Variants in CLEC17A observed in about 807,000 individuals in gnomAD.
The protein encoded by CLEC17A is C-type lectin domain family 17, member A.
Under a neutral mutation model 61.3 loss-of-function variants are expected in CLEC17A, and 37 were observed. The ratio of observed to expected loss-of-function variants is 0.60; its 90% CI spans 0.46 to 0.79. The LOEUF is 0.79. Ranked by LOEUF, CLEC17A falls within the 30% of genes least tolerant of loss-of-function variation. CLEC17A has a pLI of 0.00. For synonymous variants in CLEC17A, 168 were observed against 164.9 expected, an observed-to-expected ratio of 1.02 and a Z score of -0.14; for missense variants, 418 against 464.7, an observed-to-expected ratio of 0.90 and a Z score of 0.92.
chr19:14,599,905 A>C, intron 11 of CLEC17A, 93 bp downstream of exon 11: 3 of 1,481,370 alleles, frequency 2.0e-6, no homozygotes, highest in Non-Finnish European at 2.8e-6. Context: ...AGTGCAGTCT[A>C]TGTGAATGGT....
At chr19:14,582,338 G>A (rs1303736511), upstream of CLEC17A, among the ~76,000 whole-genome samples, 8 of 151,252 alleles carry the variant, frequency 5.3e-5, no homozygotes, top group Admixed American at 1.3e-4. Flanking sequence ...TCAGCCTCCC[G>A]AGTAGCTGGG....
At chr19:14,585,014 C>T (rs1243729718) in intron 2 of CLEC17A, among the ~76,000 whole-genome samples, 6 of 151,756 alleles carry the variant, frequency 4.0e-5, no homozygotes, top group Non-Finnish European at 7.4e-5. Flanking sequence ...CCCACCTCAT[C>T]TTCATCCCCA....
chr19:14,586,599 AT>A (rs34892433), intron 2 of CLEC17A, among the ~76,000 whole-genome samples: 4 of 149,462 alleles, frequency 2.7e-5, no homozygotes, highest in Non-Finnish European at 5.9e-5. Context: ...TTTTTTCTAA[AT>A]TTTTTTTACA....
intron 1 of CLEC17A, 42 bp downstream of exon 1, chr19:14,583,245 C>G (rs373288405): frequency 4.0e-5 from 65 of 1,613,426 alleles, no homozygotes; most frequent in Non-Finnish European, 7.6e-6. Flanking sequence ...TAGGTGTGGT[C>G]AGGACCCAGG....
intron 12 of CLEC17A, among the ~76,000 whole-genome samples, chr19:14,603,021 C>T (rs2074762827): frequency 6.6e-6 from 1 of 152,226 alleles, no homozygotes; most frequent in African/African-American, 2.4e-5. Context: ...AGGCATAAGC[C>T]ACCGTGGCTG....
At position 14,592,808 on chromosome 19, in the gene CLEC17A, G is replaced by T. The variant is rs141877621; in HGVS notation, c.277+450G>T. The stretch of plus-strand genomic sequence containing the variant: ...GCCTCCCGATTAGCTGGGATTGCAG[G>T]CGCCTGCTACCATGCCTGGTTAACT... On this transcript the variant is annotated intron_variant, in intron 4 of 13. Transcript: ENST00000417570. Among the ~76,000 whole-genome samples the T allele has an allele frequency of 2.4e-4, 36 of 152,194 alleles. 1 individual carries two copies. In the East Asian group the frequency reaches 6.8e-3, roughly 29 times the overall value.
chr19:14,597,055 G>C (rs1434266700), intron 9 of CLEC17A, 42 bp downstream of exon 9: 1 of 1,611,554 alleles, frequency 6.2e-7, no homozygotes, highest in South Asian at 1.1e-5. Context: ...GATTGGGGAG[G>C]GTGCACAGGA....
chr19:14,607,227 CAG>C (rs909564072), intron 13 of CLEC17A, 125 bp downstream of exon 13: 2 of 321,228 alleles, frequency 6.2e-6, no homozygotes, highest in African/African-American at 4.6e-5. Context: ...TTTTTTGAGA[CAG>C]AGTCTTGCTC....
At chr19:14,586,344 G>C (rs1382094793) in intron 2 of CLEC17A, among the ~76,000 whole-genome samples, 1 of 152,034 alleles carries the variant, frequency 6.6e-6, no homozygotes. Context: ...GGCTGGTCTC[G>C]AACTCCCGAC....
At chr19:14,604,565 C>T (rs2074806989) in intron 12 of CLEC17A, among the ~76,000 whole-genome samples, 1 of 152,014 alleles carries the variant, frequency 6.6e-6, no homozygotes, top group African/African-American at 2.4e-5. Flanking sequence ...GAGTTTGAGA[C>T]CAGCCTGGCC....
chr19:14,596,828 C>T, intron 8 of CLEC17A, 48 bp from the exon 9 acceptor site: 4 of 1,593,074 alleles, frequency 2.5e-6, no homozygotes, highest in Non-Finnish European at 3.4e-6. Context: ...CTTCCTTACT[C>T]TCTGAAGCCC....
chr19:14,589,982 A>G (rs2074371931), intron 3 of CLEC17A, among the ~76,000 whole-genome samples: 1 of 138,408 alleles, frequency 7.2e-6, no homozygotes, highest in Non-Finnish European at 1.5e-5. Context: ...GCCCCAGTCA[A>G]GCCTGCAGAT....
intron 2 of CLEC17A, among the ~76,000 whole-genome samples, chr19:14,587,233 A>ATGTGTGTGTGTGTGTGTG (rs3049160): frequency 6.9e-6 from 1 of 145,302 alleles, no homozygotes; most frequent in Non-Finnish European, 1.5e-5. Context: ...CCAGAGAAAG[A>ATGTGTGTGTGTGTGTGTG]TGTGTGTGTG....
At position 14,599,710 on chromosome 19, in the gene CLEC17A, C is replaced by A; in HGVS notation, c.647-7C>A. On this transcript the variant is annotated splice_polypyrimidine_tract_variant and splice_region_variant and intron_variant, in intron 10 of 13. Transcript: ENST00000417570. ...TCTGTAGCCCTCAAGCCCATCCCTTCTGACAGTGACTGGCATGGCAGGGCT... is the reference window on the plus strand; with the variant it reads ...TCTGTAGCCCTCAAGCCCATCCCTTATGACAGTGACTGGCATGGCAGGGCT... The A allele has an allele frequency of 6.2e-7, 1 of 1,611,224 alleles. No individual in the cohort carries two copies. Among genetic ancestry groups the A allele is most frequent in the Non-Finnish European group, 8.5e-7 (1 of 1,177,558 alleles).
chr19:14,588,164 T>C (rs1266847325), intron 3 of CLEC17A, among the ~76,000 whole-genome samples: 1 of 151,592 alleles, frequency 6.6e-6, no homozygotes, highest in Non-Finnish European at 1.5e-5. Context: ...TGGTACAGGG[T>C]CCAACAGGAG....
chr19:14,604,145 A>G (rs2074793519), intron 12 of CLEC17A, among the ~76,000 whole-genome samples: 1 of 152,274 alleles, frequency 6.6e-6, no homozygotes, highest in Non-Finnish European at 1.5e-5. Context: ...CTGATGGGAC[A>G]GGAAGACCTT....
At chr19:14,600,218 G>C (rs2074669600) in intron 12 of CLEC17A, 36 bp downstream of exon 12, 2 of 1,606,346 alleles carry the variant, frequency 1.2e-6, no homozygotes, top group African/African-American at 1.3e-5. Context: ...AGAACCTTCA[G>C]GGACAGCCTG....
intron 4 of CLEC17A, among the ~76,000 whole-genome samples, chr19:14,592,623 G>C (rs2074448454): frequency 6.6e-6 from 1 of 152,058 alleles, no homozygotes; most frequent in African/African-American, 2.4e-5. Context: ...ATTAGAGGAA[G>C]GGACTTTGGA....
chr19:14,586,344 G>A (rs1382094793), intron 2 of CLEC17A, among the ~76,000 whole-genome samples: 4 of 152,034 alleles, frequency 2.6e-5, no homozygotes, highest in Admixed American at 6.6e-5. Context: ...GGCTGGTCTC[G>A]AACTCCCGAC....
Sources: gnomAD v4.1 joint callset for allele counts (sites outside exome capture counted in the v4.1 genomes callset) on GRCh38, gnomAD v4.1.1 for gene constraint, MANE v1.5 for transcripts, NCBI Gene and HGNC (gene_info 2026-07-23, HGNC 2026-07-21) for gene names.